MAP1B: variants seen among roughly 807,000 people sequenced by gnomAD.
The protein encoded by MAP1B is microtubule-associated protein 1B.
MAP1B carries 12 observed loss-of-function variants against 176.1 expected under a neutral mutation model. The ratio of observed to expected loss-of-function variants is 0.07; its 90% CI spans 0.04 to 0.11. MAP1B has a LOEUF of 0.11. Among genes scored for constraint, MAP1B ranks in the 10% least tolerant of loss-of-function variants. The pLI, the probability that MAP1B is intolerant of heterozygous loss-of-function variation, is 1.00. For missense variants in MAP1B, 2,523 were observed against 2,990.5 expected (o/e 0.84, Z 3.65); for synonymous variants, 1,044 against 1,135.0 (o/e 0.92, Z 1.61).
chr5:72,186,707 G>A lies in MAP1B; in HGVS notation c.463G>A (p.Gly155Ser), dbSNP rs766310693. 5 of 1,614,098 alleles carry A rather than the reference G, an allele frequency of 3.1e-6. No homozygotes were observed. Among genetic ancestry groups the A allele is most frequent in the African/African-American group, 1.3e-5 (1 of 75,030 alleles). ...TACCGGAGAGCTCATTCTCCAGTCC[G>A]GCTCTTTCTCCTTCCAGAACTTCAT... is the stretch of plus-strand genomic sequence containing the variant. ...ENTGELILQS[G>S]SFSFQNFIEI... Residue 155 changes from glycine (G) to serine (S), a missense_variant, in exon 4 of 7, where the codon GGC becomes AGC. Gly to Ser is a moderately conservative substitution (Grantham distance 56). Around this residue, in one of 4 missense-constraint regions of MAP1B, gnomAD observed 307 missense variants for 438.4 expected, o/e 0.70. Transcript: ENST00000296755. The surrounding 1 kb of genome is among the most constrained non-coding windows in gnomAD (Gnocchi z 4.3).
At position 72,199,017 on chromosome 5, in the gene MAP1B, G is replaced by T. The variant is rs1398807487; in HGVS notation, c.5662G>T (p.Asp1888Tyr). The T allele has an allele frequency of 2.5e-6, 4 of 1,614,128 alleles. No individual in the cohort carries two copies. The highest frequency in any genetic ancestry group is 1.1e-5 in the South Asian group (1 of 91,066). ...TTRSPDEEDY[D>Y]YESYEKTTRT... ...CAGGTCCCCAGATGAAGAAGATTAT[G>T]ACTATGAGTCTTATGAGAAGACCAC... Residue 1888 changes from aspartate to tyrosine, a missense_variant, in exon 5 of 7, where the codon GAC becomes TAC. Physicochemically the swap from Asp to Tyr is radical, Grantham distance 160. Transcript: ENST00000296755. This position sits in a 1 kb window ranked among gnomAD's most constrained non-coding sequence, Gnocchi z 4.2.
At chr5:72,157,981 A>C (rs1175252772) in intron 2 of MAP1B, among the ~76,000 whole-genome samples, 1 of 149,438 alleles carries the variant, frequency 6.7e-6, no homozygotes, top group Non-Finnish European at 1.5e-5. Context: ...CTGGGATTAC[A>C]GGCATCTGCT....
Position 72,205,447 on chromosome 5 carries a change from G to T in MAP1B, c.*208G>T, listed in dbSNP as rs888552337. 1.9e-6 allele frequency: 1 copy of T among 519,254 alleles called. No individual in the cohort carries two copies. The highest frequency in any genetic ancestry group is 1.9e-5 in the African/African-American group (1 of 51,790). 32.2% of individuals were successfully genotyped at this position (519,254 alleles called of 1,614,324 possible). A position where few individuals can be genotyped will look rare whatever the true frequency, so the allele number is the denominator to read the frequency against. On this transcript the variant is annotated 3_prime_UTR_variant, in exon 7 of 7. Transcript: ENST00000296755. Reference sequence around the variant, plus strand: ...GAAATAACAGTATTTCCACAATAGGGTTCAAATTCCTGCAAAATTACCTAC... The same window carrying T: ...GAAATAACAGTATTTCCACAATAGGTTTCAAATTCCTGCAAAATTACCTAC...
intron 2 of MAP1B, among the ~76,000 whole-genome samples, chr5:72,138,674 G>A (rs531697511): frequency 2.0e-3 from 312 of 152,322 alleles, no homozygotes; most frequent in African/African-American, 7.2e-3. Context: ...ATAGAATTCA[G>A]TATTTGGCCT....
Position 72,196,748 on chromosome 5 carries a change from C to A in MAP1B, c.3393C>A (p.Thr1131=), listed in dbSNP as rs1436191877. Residue 1131 remains threonine, a synonymous_variant, in exon 5 of 7, where the codon ACC becomes ACA. Coordinates refer to ENST00000296755, the MANE Select transcript of MAP1B (RefSeq NM_005909.5). This position sits in a 1 kb window ranked among gnomAD's most constrained non-coding sequence, Gnocchi z 5.3. ...QSTIEISSEP[T]PMDEMSTPRD... Reference sequence around the variant, plus strand: ...CTATTGAGATATCCAGTGAGCCCACCCCCATGGATGAGATGTCTACCCCTC... The same window carrying A: ...CTATTGAGATATCCAGTGAGCCCACACCCATGGATGAGATGTCTACCCCTC... The A allele has an allele frequency of 6.2e-7, 1 of 1,614,120 alleles. No homozygotes were observed. Among genetic ancestry groups the A allele is most frequent in the Non-Finnish European group, 8.5e-7 (1 of 1,180,024 alleles).
rs1420804775 is a variant in MAP1B at position 72,202,107 on chromosome 5, G to GTCT, written c.7013-1456_7013-1455insTCT. ...AATGAGTTAATTTTCATTTATTTTG[G>GTCT]AGATGCTTTTAGATGTCTAAAAAGG... On this transcript the variant is annotated intron_variant, in intron 5 of 6. Coordinates refer to ENST00000296755, the MANE Select transcript of MAP1B (RefSeq NM_005909.5). Among the ~76,000 whole-genome samples the GTCT allele has an allele frequency of 3.3e-5, 5 of 152,302 alleles. No individual in the cohort carries two copies. In the South Asian group the frequency reaches 8.3e-4, roughly 25 times the overall value.
rs951142905 is a variant in MAP1B, at chr5:72,162,314, A to C, written c.287-21429A>C. On this transcript the variant is annotated intron_variant, in intron 2 of 6. Coordinates refer to ENST00000296755, the MANE Select transcript of MAP1B (RefSeq NM_005909.5). ...AAGTCACTGTCAGTGTGACAATTGA[A>C]AGACCTTTTCATTCCCTCTGAGATA... is the stretch of plus-strand genomic sequence containing the variant. Among the ~76,000 whole-genome samples, 4 of 152,340 alleles carry C rather than the reference A, an allele frequency of 2.6e-5. No individual in the cohort carries two copies. The East Asian group carries it at 5.8e-4, about 22-fold the overall frequency.
chr5:72,154,282 C>T (rs749395503), intron 2 of MAP1B, among the ~76,000 whole-genome samples: 9 of 152,106 alleles, frequency 5.9e-5, no homozygotes, highest in Non-Finnish European at 1.0e-4. Context: ...CCACTCTGTG[C>T]CCATGTATAA....
At chr5:72,117,258 C>T (rs903823560) in intron 2 of MAP1B, among the ~76,000 whole-genome samples, 3 of 152,026 alleles carry the variant, frequency 2.0e-5, no homozygotes, top group Non-Finnish European at 4.4e-5. Flanking sequence ...TTTTGTCTTG[C>T]GATATCTCCG....
chr5:72,116,875 G>A (rs1300566848), intron 2 of MAP1B, among the ~76,000 whole-genome samples: 1 of 152,094 alleles, frequency 6.6e-6, no homozygotes, highest in African/African-American at 2.4e-5. Context: ...CATTAGTCGT[G>A]TATATACATT....
At chr5:72,178,727 T>G (rs201303384) in intron 2 of MAP1B, among the ~76,000 whole-genome samples, 1,152 of 64,566 alleles carry the variant, frequency 0.018, 25 homozygotes, top group East Asian at 0.14. Context: ...CTCTGAGGGG[T>G]GTGTGTGTGT....
At chr5:72,118,104 G>T (rs2112123779) in intron 2 of MAP1B, among the ~76,000 whole-genome samples, 1 of 152,312 alleles carries the variant, frequency 6.6e-6, no homozygotes, top group East Asian at 1.9e-4. Flanking sequence ...AAGTCTAGTG[G>T]TCTCTAGCTA....
intron 2 of MAP1B, among the ~76,000 whole-genome samples, chr5:72,161,727 C>T (rs1002396366): frequency 4.6e-5 from 7 of 151,980 alleles, no homozygotes; most frequent in African/African-American, 1.5e-4. Context: ...GAGGCTGAGG[C>T]GGGCAGATCA....
intron 2 of MAP1B, among the ~76,000 whole-genome samples, chr5:72,180,982 T>G (rs1746751632): frequency 6.6e-6 from 1 of 152,224 alleles, no homozygotes; most frequent in East Asian, 1.9e-4. Flanking sequence ...AATCCTGGCT[T>G]GACCACTTAC....
chr5:72,191,552 A>C (rs1747026905), intron 4 of MAP1B, among the ~76,000 whole-genome samples: 1 of 152,182 alleles, frequency 6.6e-6, no homozygotes, highest in Non-Finnish European at 1.5e-5. Context: ...TGTAGTTCCA[A>C]GGATGTAGGA....
At chr5:72,181,791 G>A (rs373727661) in intron 2 of MAP1B, among the ~76,000 whole-genome samples, 92 of 148,964 alleles carry the variant, frequency 6.2e-4, no homozygotes, top group Non-Finnish European at 6.4e-4. Context: ...GTGCAATCTC[G>A]GCTCACTGCA....
At chr5:72,112,702 G>A (rs545715576) in intron 1 of MAP1B, among the ~76,000 whole-genome samples, 57 of 152,314 alleles carry the variant, frequency 3.7e-4, no homozygotes, top group African/African-American at 1.3e-3. Context: ...CAGAGATGAC[G>A]GATGCCTTTT....
chr5:72,119,023 T>C lies in MAP1B; in HGVS notation c.286+3224T>C, dbSNP rs1418590044. Among the ~76,000 whole-genome samples the C allele has an allele frequency of 4.6e-5, 7 of 152,228 alleles. No homozygotes were observed. The South Asian group carries it at 1.4e-3, about 31-fold the overall frequency. ...TTTTAAATATGGTTTTGAGATTTGA[T>C]TTGACTATTTCTTCAGGATTGTAGG... On this transcript the variant is annotated intron_variant, in intron 2 of 6. Transcript: ENST00000296755.
chr5:72,196,356 G>C lies in MAP1B; in HGVS notation c.3001G>C (p.Glu1001Gln). The C allele has an allele frequency of 6.2e-7, 1 of 1,614,102 alleles. No individual in the cohort carries two copies. The highest frequency in any genetic ancestry group is 8.5e-7 in the Non-Finnish European group (1 of 1,180,028). ...TGTGGCCAGTGGGGATGACCGAGCCGAAGAAGACATGGATGAGGCCATTGA... is the reference window on the plus strand; with the variant it reads ...TGTGGCCAGTGGGGATGACCGAGCCCAAGAAGACATGGATGAGGCCATTGA... ...ESVASGDDRA[E>Q]EDMDEAIEKG... Residue 1001 changes from glutamate to glutamine, a missense_variant, in exon 5 of 7, where the codon GAA (glutamate) becomes CAA (glutamine). Physicochemically the swap from Glu to Gln is conservative, Grantham distance 29. Around this residue, in one of 4 missense-constraint regions of MAP1B, gnomAD observed 1,925 missense variants for 2,126.0 expected, o/e 0.91. Coordinates refer to ENST00000296755, the MANE Select transcript of MAP1B (RefSeq NM_005909.5). This position sits in a 1 kb window ranked among gnomAD's most constrained non-coding sequence, Gnocchi z 5.3.
Sources: allele counts gnomAD v4.1 joint callset (sites outside exome capture counted in the v4.1 genomes callset), GRCh38; gene constraint gnomAD v4.1.1; regional missense constraint gnomAD v4.1.1; non-coding constraint Gnocchi (gnomAD v3.1); transcripts MANE v1.5; gene names NCBI Gene and HGNC (gene_info 2026-07-23, HGNC 2026-07-21).